Variants in STAB2 observed in about 807,000 individuals in gnomAD.
STAB2 encodes the protein stabilin 2.
Under a neutral mutation model 338.1 loss-of-function variants are expected in STAB2, and 288 were observed. That is an observed-to-expected ratio of 0.85 (90% CI 0.77 to 0.94). The LOEUF (loss-of-function observed/expected upper bound fraction) is 0.94, where lower values mean the gene tolerates loss of function less well. STAB2 is among the 40% of genes least tolerant of loss of function. STAB2 has a pLI of 0.00. For synonymous variants in STAB2, 1,202 were observed against 1,193.3 expected (o/e 1.01, Z -0.15); for missense variants, 3,141 against 3,210.1 (o/e 0.98, Z 0.52).
chr12:103,660,694 C>T lies in STAB2; in HGVS notation c.1800C>T (p.Ala600=), dbSNP rs200307097. ...TCTTCTTATTGCAGCTTGAAGTGGC[C>T]ACTCTCATCTCCACCCCTCACATCA... is the stretch of plus-strand genomic sequence containing the variant. ...HIVPFTQLEV[A]TLISTPHIRS... Residue 600 remains alanine (A), a synonymous_variant, in exon 17 of 69, where the codon GCC becomes GCT. Transcript: ENST00000388887. 5.0e-6 allele frequency: 8 copies of T among 1,614,040 alleles called. No individual in the cohort carries two copies. The East Asian group carries it at 1.8e-4, about 36-fold the overall frequency.
rs907234037 is a variant in STAB2 at position 103,681,613 on chromosome 12, C to CTT, written c.2806-1566_2806-1565dup. 9.6e-3 allele frequency among the ~76,000 whole-genome samples: 892 copies of CTT among 92,910 alleles called. 114 individuals are homozygous for CTT. Among genetic ancestry groups the CTT allele is most frequent in the African/African-American group, 0.025 (542 of 22,014 alleles). The allele number at this position is 92,910 out of a possible 152,430, so 61.0% of individuals were successfully genotyped here. A position where few individuals can be genotyped will look rare whatever the true frequency, so the allele number is the denominator to read the frequency against. ...GTATCTGTCTCCAAATTCCCCCCTA[C>CTT]TTTTTTTTTTTTTTTTTTTTTTTTT... On this transcript the variant is annotated intron_variant, in intron 25 of 68. Coordinates refer to ENST00000388887, the MANE Select transcript of STAB2 (RefSeq NM_017564.10).
intron 39 of STAB2, 33 bp from the exon 40 acceptor site, chr12:103,711,438 A>G (rs1199102405): frequency 5.0e-6 from 8 of 1,613,486 alleles, no homozygotes; most frequent in Non-Finnish European, 6.8e-6. Flanking sequence ...ATTTAGTAAG[A>G]GGGCTAAGAC....
chr12:103,603,791 A>G (rs953367128), intron 3 of STAB2, among the ~76,000 whole-genome samples: 1 of 152,370 alleles, frequency 6.6e-6, no homozygotes, highest in East Asian at 1.9e-4. Context: ...CATTAAATCA[A>G]TAGATGCATT....
chr12:103,635,352 G>C (rs781752996), intron 6 of STAB2, among the ~76,000 whole-genome samples: 7 of 152,206 alleles, frequency 4.6e-5, no homozygotes, highest in Non-Finnish European at 1.0e-4. Context: ...GTGCCAGAAG[G>C]ACTGTAGAGG....
chr12:103,656,862 ATT>A (rs1244800517), intron 15 of STAB2, among the ~76,000 whole-genome samples: 1 of 147,298 alleles, frequency 6.8e-6, no homozygotes, highest in Non-Finnish European at 1.5e-5. Context: ...AATTTTTTGT[ATT>A]TTTAGTAGAG....
chr12:103,680,252 C>T (rs1338359863), intron 25 of STAB2, among the ~76,000 whole-genome samples: 4 of 152,122 alleles, frequency 2.6e-5, no homozygotes, highest in African/African-American at 9.7e-5. Flanking sequence ...TGCCCCTTAA[C>T]TATACATTTT....
chr12:103,684,734 T>C (rs1388572890), intron 26 of STAB2, among the ~76,000 whole-genome samples: 1 of 152,220 alleles, frequency 6.6e-6, no homozygotes, highest in African/African-American at 2.4e-5. Flanking sequence ...AAACTCTCAT[T>C]TAACTGTGCA....
Position 103,762,283 on chromosome 12 carries a change from C to A in STAB2, c.7369C>A (p.His2457Asn), listed in dbSNP as rs1228850446. 1 of 1,614,186 alleles carries A rather than the reference C, an allele frequency of 6.2e-7. No homozygotes were observed. Among genetic ancestry groups the A allele is most frequent in the Admixed American group, 1.7e-5 (1 of 60,018 alleles). Residue 2457 changes from histidine (H) to asparagine (N), a missense_variant, in exon 67 of 69, where the codon CAC (histidine) becomes AAC (asparagine). Transcript: ENST00000388887. ...KAPPAPVTLT[H>N]TGLGAGIFFA... Reference sequence around the variant, plus strand: ...CTTTCTTTGTGTTCAGACCTTGACCCACACTGGCTTGGGAGCAGGGATCTT... The same window carrying A: ...CTTTCTTTGTGTTCAGACCTTGACCAACACTGGCTTGGGAGCAGGGATCTT...
At chr12:103,681,865 C>G (rs575736377) in intron 25 of STAB2, among the ~76,000 whole-genome samples, 1 of 151,980 alleles carries the variant, frequency 6.6e-6, no homozygotes, top group African/African-American at 2.4e-5. Context: ...ATGATCTGCT[C>G]GCCTTGGCCT....
At position 103,648,814 on chromosome 12, in the gene STAB2, T is replaced by C. The variant is rs777259096; in HGVS notation, c.1165T>C (p.Ser389Pro). 5 of 1,613,906 alleles carry C rather than the reference T, an allele frequency of 3.1e-6. No individual in the cohort carries two copies. Among genetic ancestry groups the C allele is most frequent in the Non-Finnish European group, 4.2e-6 (5 of 1,179,882 alleles). Residue 389 changes from serine to proline, a missense_variant, in exon 10 of 69, where the codon TCA becomes CCA. By Grantham distance (74) the Ser-to-Pro change is moderately conservative. Transcript: ENST00000388887. ...KWQGRLTSFI[S>P]LLDKAYAWPL... ...GCAAGGAAGGCTGACCTCTTTCATC[T>C]CACTCCTAGGTACGCAGCTATGGGT...
chr12:103,712,754 A>G (rs1879983004), intron 41 of STAB2, among the ~76,000 whole-genome samples: 1 of 152,184 alleles, frequency 6.6e-6, no homozygotes. Flanking sequence ...ATTACTATAT[A>G]CCCTAGAAAT....
At chr12:103,760,709 T>C (rs1884474122) in intron 65 of STAB2, among the ~76,000 whole-genome samples, 1 of 152,210 alleles carries the variant, frequency 6.6e-6, no homozygotes, top group Non-Finnish European at 1.5e-5. Context: ...CAGAGAGTAG[T>C]GCCTGACAGG....
intron 31 of STAB2, among the ~76,000 whole-genome samples, chr12:103,693,938 G>A (rs1465564336): frequency 6.6e-6 from 1 of 151,792 alleles, no homozygotes; most frequent in Non-Finnish European, 1.5e-5. Flanking sequence ...GGATCACAAG[G>A]TCAAGAGATC....
chr12:103,594,587 C>A, intron 3 of STAB2, 77 bp downstream of exon 3: 2 of 1,134,736 alleles, frequency 1.8e-6, no homozygotes, highest in Non-Finnish European at 1.3e-6. Context: ...TGAAGGAAGC[C>A]CAATAAAAAG....
intron 3 of STAB2, among the ~76,000 whole-genome samples, chr12:103,606,767 G>A (rs891329209): frequency 5.9e-5 from 9 of 152,124 alleles, no homozygotes; most frequent in South Asian, 4.1e-4. Flanking sequence ...GGTGGATCAC[G>A]AGGTCAGGAG....
Position 103,750,644 on chromosome 12 carries a change from G to T in STAB2, c.6504G>T (p.Gln2168His). ...VGDGLNCEPE[Q>H]LPIDRCLQDN... is the part of the protein sequence containing the mutation. ...ATGGGCTGAACTGTGAGCCGGAGCA[G>T]CTGCCCATTGACCGCTGCTTACAGG... Residue 2168 changes from glutamine to histidine, a missense_variant, in exon 60 of 69, where the codon CAG becomes CAT. Physicochemically the swap from Gln to His is conservative, Grantham distance 24 (BLOSUM62 0). Coordinates refer to ENST00000388887, the MANE Select transcript of STAB2 (RefSeq NM_017564.10). 7 of 1,614,264 alleles carry T rather than the reference G, an allele frequency of 4.3e-6. No individual in the cohort carries two copies. The highest frequency in any genetic ancestry group is 5.9e-6 in the Non-Finnish European group (7 of 1,180,046).
At chr12:103,638,239 G>T (rs779396693) in intron 8 of STAB2, 27 bp downstream of exon 8, 19 of 1,570,170 alleles carry the variant, frequency 1.2e-5, no homozygotes, top group South Asian at 4.7e-5. Context: ...GGGAACTGAT[G>T]TATCTAGAAG....
At chr12:103,746,551 T>C (rs766497987) in intron 57 of STAB2, 46 bp from the exon 58 acceptor site, 1 of 1,591,244 alleles carries the variant, frequency 6.3e-7, no homozygotes, top group South Asian at 1.1e-5. Flanking sequence ...GGGTTTTAAC[T>C]CTTCACACCA....
chr12:103,642,857 G>A (rs548069758), intron 9 of STAB2, among the ~76,000 whole-genome samples: 1 of 152,288 alleles, frequency 6.6e-6, no homozygotes, highest in South Asian at 2.1e-4. Flanking sequence ...GGGTATGGAG[G>A]ATATGGCCAA....
Sources: gnomAD v4.1 joint callset for allele counts (sites outside exome capture counted in the v4.1 genomes callset) on GRCh38, gnomAD v4.1.1 for gene constraint, MANE v1.5 for transcripts, NCBI Gene and HGNC (gene_info 2026-07-23, HGNC 2026-07-21) for gene names.